Variants in GCM1 observed in about 807,000 individuals in gnomAD.
The protein encoded by GCM1 is chorion-specific transcription factor GCMa.
GCM1 carries 2 observed loss-of-function variants against 25.7 expected under a neutral mutation model. The ratio of observed to expected loss-of-function variants is 0.08; its 90% CI spans 0.03 to 0.24. GCM1 has a LOEUF of 0.24. GCM1 is among the 10% of genes least tolerant of loss of function. The pLI, the probability that GCM1 is intolerant of heterozygous loss-of-function variation, is 1.00. For synonymous variants in GCM1, 183 were observed against 195.7 expected (o/e 0.94, Z 0.54); for missense variants, 395 against 538.7 (o/e 0.73, Z 2.64).
chr6:53,129,174 A>G (rs1224793782), intron 5 of GCM1, among the ~76,000 whole-genome samples: 1 of 152,206 alleles, frequency 6.6e-6, no homozygotes, highest in African/African-American at 2.4e-5. Flanking sequence ...GCTAACCAGT[A>G]AGAGCCAAAT....
chr6:53,146,225 T>TATATATAA (rs1430197087), intron 1 of GCM1, among the ~76,000 whole-genome samples: 3 of 90,764 alleles, frequency 3.3e-5, no homozygotes, highest in East Asian at 7.7e-4. Context: ...TATTTTTTTT[T>TATATATAA]TTTTTTTTTT....
chr6:53,135,387 T>C (rs1360341701), intron 2 of GCM1, among the ~76,000 whole-genome samples: 1 of 152,236 alleles, frequency 6.6e-6, no homozygotes, highest in East Asian at 1.9e-4. Flanking sequence ...CCTCTGTTTC[T>C]TCATCTGTAA....
At chr6:53,133,642 C>A (rs542878877) in intron 3 of GCM1, among the ~76,000 whole-genome samples, 13 of 152,258 alleles carry the variant, frequency 8.5e-5, no homozygotes, top group South Asian at 4.1e-4. Context: ...CAGGCATATG[C>A]AACCACACCC....
rs376213844 is a variant in GCM1, at chr6:53,144,608, A to G, written c.75+950T>C. Reference sequence around the variant, plus strand: ...GGAGTTCAGGACCAGCCTGGGCAACATAGCAAAGCCCTGACTCTACACACA... The same window carrying G: ...GGAGTTCAGGACCAGCCTGGGCAACGTAGCAAAGCCCTGACTCTACACACA... On this transcript the variant is annotated intron_variant, in intron 2 of 5. Coordinates refer to ENST00000259803, the MANE Select transcript of GCM1 (RefSeq NM_003643.4). Among the ~76,000 whole-genome samples, 29 of 125,616 alleles carry G rather than the reference A, an allele frequency of 2.3e-4. No homozygotes were observed. The South Asian group carries it at 7.4e-3, about 32-fold the overall frequency. 82.4% of individuals were successfully genotyped at this position (125,616 alleles called of 152,430 possible).
chr6:53,137,027 A>C (rs1192564690), intron 2 of GCM1, among the ~76,000 whole-genome samples: 1 of 152,132 alleles, frequency 6.6e-6, no homozygotes, highest in Non-Finnish European at 1.5e-5. Context: ...ATAAAAGCTT[A>C]ATTGGTGCAC....
intron 2 of GCM1, among the ~76,000 whole-genome samples, chr6:53,142,403 C>G (rs1217716787): frequency 6.6e-6 from 1 of 152,198 alleles, no homozygotes; most frequent in Non-Finnish European, 1.5e-5. Context: ...CGGAGAGCCA[C>G]CAATGCACAG....
rs143489003 is a variant in GCM1, at chr6:53,144,281, C to A, written c.75+1277G>T. 1.8e-3 allele frequency among the ~76,000 whole-genome samples: 273 copies of A among 151,722 alleles called. 1 individual carries two copies. The highest frequency in any genetic ancestry group is 6.3e-3 in the African/African-American group (260 of 41,378). Reference sequence around the variant, plus strand: ...CAAAAACATTTTTTTTTCAATTAGCCAGGAGTGGTGGCACATGCCTGTGGT... The same window carrying A: ...CAAAAACATTTTTTTTTCAATTAGCAAGGAGTGGTGGCACATGCCTGTGGT... On this transcript the variant is annotated intron_variant, in intron 2 of 5. Transcript: ENST00000259803.
intron 2 of GCM1, among the ~76,000 whole-genome samples, chr6:53,137,065 G>A (rs767934103): frequency 7.2e-5 from 11 of 152,160 alleles, no homozygotes; most frequent in Non-Finnish European, 1.5e-4. Context: ...TCCTTCTCAG[G>A]GCATGACAGT....
In GCM1 at chr6:53,128,054, GAA is replaced by G; in HGVS notation, c.*150_*151del. 1 of 143,752 alleles carries G rather than the reference GAA, an allele frequency of 7.0e-6. No homozygotes were observed. The highest frequency in any genetic ancestry group is 1.2e-5 in the Non-Finnish European group (1 of 81,148). The allele number at this position is 143,752 out of a possible 1,614,324, so 8.9% of individuals were successfully genotyped here. ...AAAAAAAAAAAAAAAAAAAAAAAAA[GAA>G]GGAAAAAAGAAAAAGAAAAAAGCCT... On this transcript the variant is annotated 3_prime_UTR_variant, in exon 6 of 6. Transcript: ENST00000259803.
At chr6:53,139,284 C>A (rs1368643972) in intron 2 of GCM1, among the ~76,000 whole-genome samples, 1 of 152,052 alleles carries the variant, frequency 6.6e-6, no homozygotes, top group Admixed American at 6.6e-5. Context: ...GAACTTATCT[C>A]TTCTGGGCCA....
Position 53,128,667 on chromosome 6 carries a change from CAGA to C in GCM1, c.847_849del (p.Ser283del), listed in dbSNP as rs774283897. Reference sequence around the variant, plus strand: ...CCATGATCAGAGTAGACTCCGGAGGCAGAAGGAGGAAGCAGGTCTCCACTACTG... The same window carrying C: ...CCATGATCAGAGTAGACTCCGGAGGCAGGAGGAAGCAGGTCTCCACTACTG... On this transcript the variant is annotated inframe_deletion, in exon 6 of 6. Transcript: ENST00000259803. 3 of 1,614,026 alleles carry C rather than the reference CAGA, an allele frequency of 1.9e-6. No homozygotes were observed. In the South Asian group the frequency reaches 3.3e-5, roughly 18 times the overall value.
chr6:53,145,405 T>TA (rs1294536309), intron 2 of GCM1, among the ~76,000 whole-genome samples, 153 bp downstream of exon 2: 1 of 152,204 alleles, frequency 6.6e-6, no homozygotes, highest in Non-Finnish European at 1.5e-5. Flanking sequence ...CATCTCTTCT[T>TA]AAAATCCCTC....
At chr6:53,145,826 A>G (rs1248677506) in intron 1 of GCM1, 58 bp from the exon 2 acceptor site, 7 of 485,706 alleles carry the variant, frequency 1.4e-5, no homozygotes, top group Non-Finnish European at 2.1e-5. Flanking sequence ...AAAAACCCCA[A>G]TGCTCCTCTG....
chr6:53,132,725 A>G (rs543808049), intron 3 of GCM1, among the ~76,000 whole-genome samples: 72 of 152,342 alleles, frequency 4.7e-4, no homozygotes, highest in African/African-American at 1.6e-3. Flanking sequence ...AATAAAAAAG[A>G]GAAGTTCTTT....
chr6:53,147,999 A>G (rs1763989245), intron 1 of GCM1, among the ~76,000 whole-genome samples: 1 of 152,328 alleles, frequency 6.6e-6, no homozygotes, highest in East Asian at 1.9e-4. Context: ...CCACATACCC[A>G]TACTGAGCTA....
chr6:53,135,969 T>G (rs555216385), intron 2 of GCM1, among the ~76,000 whole-genome samples: 1 of 152,334 alleles, frequency 6.6e-6, no homozygotes, highest in Admixed American at 6.5e-5. Flanking sequence ...ACTGAAACAT[T>G]GATTAAAACT....
At chr6:53,132,143 A>G in intron 3 of GCM1, 24 bp from the exon 4 acceptor site, 1 of 1,406,852 alleles carries the variant, frequency 7.1e-7, no homozygotes, top group Non-Finnish European at 1.0e-6. Flanking sequence ...GAGGAAAATG[A>G]CCACACCTGG....
intron 2 of GCM1, among the ~76,000 whole-genome samples, chr6:53,142,061 AGAAG>A (rs1308529781): frequency 6.8e-5 from 10 of 147,246 alleles, no homozygotes; most frequent in Non-Finnish European, 1.2e-4. Flanking sequence ...AAAGAAAGAA[AGAAG>A]GAAGGAAGGA....
In GCM1 at chr6:53,128,564, A is replaced by G; in HGVS notation, c.953T>C (p.Phe318Ser). 6.2e-7 allele frequency: 1 copy of G among 1,614,126 alleles called. No homozygotes were observed. The highest frequency in any genetic ancestry group is 2.2e-5 in the East Asian group (1 of 44,880). ...LADNCYSNYPFPLTSWPCSFS... is the reference protein window; with the variant it reads ...LADNCYSNYPSPLTSWPCSFS... ...GCTGCAAGGCCAGCTGGTCAGAGGAAAAGGATAATTGGAATAACAGTTGTC... is the reference window on the plus strand; with the variant it reads ...GCTGCAAGGCCAGCTGGTCAGAGGAGAAGGATAATTGGAATAACAGTTGTC... The change falls in exon 6 of 6, where the codon TTT becomes TCT. Residue 318 changes from phenylalanine to serine, a missense_variant. Coordinates refer to ENST00000259803, the MANE Select transcript of GCM1 (RefSeq NM_003643.4).
Sources: gnomAD v4.1 joint callset for allele counts (sites outside exome capture counted in the v4.1 genomes callset) on GRCh38, gnomAD v4.1.1 for gene constraint, MANE v1.5 for transcripts, NCBI Gene and HGNC (gene_info 2026-07-23, HGNC 2026-07-21) for gene names.